Variants in KIAA1671 observed in about 807,000 individuals in gnomAD.
KIAA1671 encodes the protein uncharacterized protein KIAA1671.
KIAA1671 carries 52 observed loss-of-function variants against 131.2 expected under a neutral mutation model. The observed-to-expected ratio is 0.40, with a 90% CI of 0.32 to 0.50. The LOEUF (loss-of-function observed/expected upper bound fraction) is 0.50, where lower values mean the gene tolerates loss of function less well. Ranked by LOEUF, KIAA1671 falls within the 20% of genes least tolerant of loss-of-function variation. The pLI is 0.73. For missense variants in KIAA1671, 2,360 were observed against 2,364.2 expected, an observed-to-expected ratio of 1.00 and a Z score of 0.04; for synonymous variants, 1,003 against 961.6, an observed-to-expected ratio of 1.04 and a Z score of -0.80.
At chr22:25,189,958 C>T (rs911123465) in intron 11 of KIAA1671, among the ~76,000 whole-genome samples, 5 of 152,174 alleles carry the variant, frequency 3.3e-5, no homozygotes, top group African/African-American at 9.6e-5. Context: ...ACAGATATAT[C>T]GTGATTTATT....
intron 6 of KIAA1671, among the ~76,000 whole-genome samples, chr22:25,133,544 A>AT (rs1170812309): frequency 1.6e-4 from 25 of 151,804 alleles, no homozygotes; most frequent in Non-Finnish European, 3.5e-4. Context: ...CTGTATTTTT[A>AT]TTTTTTTGTT....
In KIAA1671 at chr22:25,125,774, G is replaced by A. The variant is rs75506676; in HGVS notation, c.4531-45046G>A. Among the ~76,000 whole-genome samples, 615 of 152,218 alleles carry A rather than the reference G, an allele frequency of 4.0e-3. 9 individuals carry two copies. The highest frequency in any genetic ancestry group is 0.014 in the African/African-American group (589 of 41,518). On this transcript the variant is annotated intron_variant, in intron 6 of 12. Coordinates refer to ENST00000358431, the MANE Select transcript of KIAA1671 (RefSeq NM_001145206.2). The stretch of plus-strand genomic sequence containing the variant: ...TGGTTGAGAACCACTGATGTAGATC[G>A]TAAGAGCTCATCCTGGGATGTGAGT...
chr22:24,963,866 G>C (rs1213607083), intron 1 of KIAA1671, among the ~76,000 whole-genome samples: 1 of 151,528 alleles, frequency 6.6e-6, no homozygotes, highest in Non-Finnish European at 1.5e-5. Context: ...TGTGAACCTG[G>C]GAGGCGGAGC....
chr22:25,011,634 C>CTTTTTTTTTT (rs35127110), intron 1 of KIAA1671: 4 of 87,760 alleles, frequency 4.6e-5, no homozygotes, highest in East Asian at 2.4e-4. Context: ...CTTTTCTTTT[C>CTTTTTTTTTT]TTTTTTTTTT....
chr22:25,145,948 A>G (rs1288331776), intron 6 of KIAA1671, among the ~76,000 whole-genome samples: 3 of 150,570 alleles, frequency 2.0e-5, no homozygotes, highest in Non-Finnish European at 4.4e-5. Context: ...TCTAAAAGAA[A>G]AAAAAAAAAA....
At chr22:25,152,613 A>T (rs1933085981) in intron 6 of KIAA1671, among the ~76,000 whole-genome samples, 1 of 152,104 alleles carries the variant, frequency 6.6e-6, no homozygotes, top group Admixed American at 6.5e-5. Flanking sequence ...TTGCCCCTGT[A>T]CCAATGCACC....
chr22:25,149,018 G>C lies in KIAA1671; in HGVS notation c.4531-21802G>C, dbSNP rs112443976. Among the ~76,000 whole-genome samples, 837 of 152,228 alleles carry C rather than the reference G, an allele frequency of 5.5e-3. 9 individuals carry two copies. The highest frequency in any genetic ancestry group is 0.019 in the African/African-American group (782 of 41,542). On this transcript the variant is annotated intron_variant, in intron 6 of 12. Transcript: ENST00000358431. ...CTGCCTCTTGGGCTTGGTGTCTCCT[G>C]CTGGTTTCAAAGAGACACAGAACTA...
intron 6 of KIAA1671, among the ~76,000 whole-genome samples, chr22:25,115,578 G>C (rs754034950): frequency 5.3e-5 from 8 of 152,102 alleles, no homozygotes; most frequent in African/African-American, 1.9e-4. Context: ...TTCGTTCCAC[G>C]TTGCTTTTTG....
intron 6 of KIAA1671, chr22:25,064,638 C>T (rs1928365349): frequency 6.6e-6 from 1 of 152,358 alleles, no homozygotes; most frequent in South Asian, 2.1e-4. Flanking sequence ...CCTGTTCTGT[C>T]TGCGCCCTGA....
At chr22:25,084,113 T>C (rs1328798267) in intron 6 of KIAA1671, among the ~76,000 whole-genome samples, 1 of 152,134 alleles carries the variant, frequency 6.6e-6, no homozygotes, top group Non-Finnish European at 1.5e-5. Context: ...TTAGTTATGG[T>C]TTGCCAAGTT....
At chr22:24,985,358 G>A (rs1923464079) in intron 1 of KIAA1671, among the ~76,000 whole-genome samples, 1 of 146,072 alleles carries the variant, frequency 6.8e-6, no homozygotes, top group South Asian at 2.2e-4. Flanking sequence ...TTTTTTTTTC[G>A]AGACAGAGTC....
chr22:25,190,899 T>G, intron 12 of KIAA1671, 115 bp downstream of exon 12: 3 of 668,148 alleles, frequency 4.5e-6, no homozygotes, highest in South Asian at 1.7e-5. Flanking sequence ...AAAGAGGCTG[T>G]GTAAGGGGAA....
At chr22:25,086,015 A>G (rs991981755) in intron 6 of KIAA1671, among the ~76,000 whole-genome samples, 19 of 152,156 alleles carry the variant, frequency 1.2e-4, no homozygotes, top group African/African-American at 4.6e-4. Flanking sequence ...GTTTCCATCA[A>G]TGAATGTTAT....
chr22:25,068,871 G>A (rs1928650571), intron 6 of KIAA1671, among the ~76,000 whole-genome samples: 1 of 152,220 alleles, frequency 6.6e-6, no homozygotes, highest in Non-Finnish European at 1.5e-5. Flanking sequence ...CCTGGGGGCG[G>A]GAGCCTGGTG....
chr22:25,159,264 A>G (rs545471013), intron 6 of KIAA1671, among the ~76,000 whole-genome samples: 13 of 152,306 alleles, frequency 8.5e-5, no homozygotes, highest in Admixed American at 5.9e-4. Flanking sequence ...CGCTTGTCCC[A>G]TGGAGACAGC....
chr22:25,177,033 T>G (rs1162392377), intron 8 of KIAA1671: 4 of 328,394 alleles, frequency 1.2e-5, no homozygotes, highest in Non-Finnish European at 2.3e-5. Flanking sequence ...TACATGCTTG[T>G]GTGGTGGATG....
chr22:25,012,681 A>G (rs1176945632), intron 1 of KIAA1671: 1 of 152,218 alleles, frequency 6.6e-6, no homozygotes, highest in Non-Finnish European at 1.5e-5. Context: ...AAATAACAGT[A>G]AAAATTAAAT....
intron 1 of KIAA1671, among the ~76,000 whole-genome samples, chr22:25,004,491 T>C (rs1056221478): frequency 2.6e-5 from 4 of 152,186 alleles, no homozygotes; most frequent in African/African-American, 9.6e-5. Context: ...ATTGACAAGA[T>C]TCAAAGTGAA....
chr22:25,000,184 GTTTTTTTT>G (rs1184771280), intron 1 of KIAA1671, among the ~76,000 whole-genome samples: 1 of 62,158 alleles, frequency 1.6e-5, no homozygotes, highest in African/African-American at 9.5e-5. Flanking sequence ...CTCCTCGCCT[GTTTTTTTT>G]TTTTTTTTTT....
Sources: gnomAD v4.1 joint callset for allele counts (sites outside exome capture counted in the v4.1 genomes callset) on GRCh38, gnomAD v4.1.1 for gene constraint, MANE v1.5 for transcripts, NCBI Gene and HGNC (gene_info 2026-07-23, HGNC 2026-07-21) for gene names.